The following PABPC4L variants were observed in gnomAD, a reference collection of about 807,000 sequenced individuals.
PABPC4L encodes the protein polyadenylate-binding protein 4-like.
For missense variants in PABPC4L, 452 were observed against 451.4 expected (o/e 1.00, Z -0.01); for synonymous variants, 169 against 164.1 (o/e 1.03, Z -0.23).
chr4:134,067,219 A>T, the PABPC4L span, among the ~76,000 whole-genome samples: 7 of 152,048 alleles, frequency 4.6e-5, no homozygotes, highest in Admixed American at 4.6e-4. Flanking sequence ...AACTGTAGTT[A>T]GTCTGTTCAG....
chr4:134,100,062 C>T, the PABPC4L span, among the ~76,000 whole-genome samples: 7 of 151,516 alleles, frequency 4.6e-5, no homozygotes, highest in Non-Finnish European at 7.4e-5. Flanking sequence ...ATGGAGATGC[C>T]GCATCAGCAG....
At chr4:133,966,103 A>G in the PABPC4L span, among the ~76,000 whole-genome samples, 1 of 152,120 alleles carries the variant, frequency 6.6e-6, no homozygotes, top group Non-Finnish European at 1.5e-5. Context: ...ATCTACAAGG[A>G]ACTCGAATCA....
chr4:134,177,580 T>C, the PABPC4L span, among the ~76,000 whole-genome samples: 1 of 152,118 alleles, frequency 6.6e-6, no homozygotes, highest in African/African-American at 2.4e-5. Flanking sequence ...TCACTACTGG[T>C]AACCAGGCAG....
At chr4:134,077,139 C>T in the PABPC4L span, among the ~76,000 whole-genome samples, 17 of 152,162 alleles carry the variant, frequency 1.1e-4, no homozygotes, top group East Asian at 5.8e-4. Context: ...TATATGTGCA[C>T]GCATTTGTCT....
chr4:134,107,997 A>G, the PABPC4L span, among the ~76,000 whole-genome samples: 1 of 151,594 alleles, frequency 6.6e-6, no homozygotes, highest in Non-Finnish European at 1.5e-5. Context: ...CTTAAGAGAC[A>G]AATTTAGATG....
the PABPC4L span, among the ~76,000 whole-genome samples, chr4:133,997,660 G>A: frequency 6.6e-5 from 10 of 152,122 alleles, no homozygotes; most frequent in Admixed American, 5.9e-4. Context: ...ACATTCACAG[G>A]AATTTGGAAG....
chr4:133,985,180 A>T, the PABPC4L span, among the ~76,000 whole-genome samples: 1 of 151,974 alleles, frequency 6.6e-6, no homozygotes, highest in South Asian at 2.1e-4. Context: ...TATGTCTGAG[A>T]TAAACCTGGA....
chr4:134,018,135 T>C, the PABPC4L span, among the ~76,000 whole-genome samples: 1 of 151,942 alleles, frequency 6.6e-6, no homozygotes, highest in Admixed American at 6.6e-5. Context: ...TGAAATTCCT[T>C]CTCCTGGCTC....
At chr4:133,994,516 C>T in the PABPC4L span, among the ~76,000 whole-genome samples, 1 of 152,050 alleles carries the variant, frequency 6.6e-6, no homozygotes, top group Non-Finnish European at 1.5e-5. Context: ...TGGCTGTGTG[C>T]ACTTCCCTCA....
At chr4:134,133,043 AT>A in the PABPC4L span, among the ~76,000 whole-genome samples, 1 of 139,256 alleles carries the variant, frequency 7.2e-6, no homozygotes, top group East Asian at 2.1e-4. Flanking sequence ...TATTTCATAC[AT>A]TATATATATT....
At chr4:134,076,706 T>C in the PABPC4L span, among the ~76,000 whole-genome samples, 2 of 152,122 alleles carry the variant, frequency 1.3e-5, no homozygotes, top group Non-Finnish European at 2.9e-5. Context: ...CCAAGATTTG[T>C]CAGGTAAGCA....
At chr4:134,084,070 A>G in the PABPC4L span, among the ~76,000 whole-genome samples, 12 of 151,994 alleles carry the variant, frequency 7.9e-5, no homozygotes, top group Admixed American at 7.2e-4. Flanking sequence ...TTTTTTTGAG[A>G]CAGGGTCTTG....
the PABPC4L span, among the ~76,000 whole-genome samples, chr4:134,115,967 T>C: frequency 1.3e-5 from 2 of 151,814 alleles, no homozygotes; most frequent in Non-Finnish European, 2.9e-5. Flanking sequence ...AAAAAGATAA[T>C]GTACTGACTG....
the PABPC4L span, among the ~76,000 whole-genome samples, chr4:134,068,012 T>G: frequency 6.6e-6 from 1 of 152,106 alleles, no homozygotes; most frequent in Non-Finnish European, 1.5e-5. Context: ...TGGGGCAGAG[T>G]GCTCTTTAGA....
chr4:134,014,369 G>C, the PABPC4L span, among the ~76,000 whole-genome samples: 38 of 152,234 alleles, frequency 2.5e-4, no homozygotes, highest in East Asian at 7.2e-3. Context: ...CACATCTCCA[G>C]CACACAAGAA....
At chr4:134,038,489 C>G in the PABPC4L span, among the ~76,000 whole-genome samples, 2 of 152,100 alleles carry the variant, frequency 1.3e-5, no homozygotes, top group Admixed American at 1.3e-4. Flanking sequence ...ATTATTGCCT[C>G]AATTTCAGAA....
At chr4:134,147,941 A>C in the PABPC4L span, among the ~76,000 whole-genome samples, 1 of 152,080 alleles carries the variant, frequency 6.6e-6, no homozygotes, top group Non-Finnish European at 1.5e-5. Context: ...CCCATTGAGA[A>C]ACTCTGGAAA....
chr4:134,124,328 T>C, the PABPC4L span, among the ~76,000 whole-genome samples: 5,868 of 152,082 alleles, frequency 0.039, 366 homozygotes, highest in African/African-American at 0.13. Context: ...TAATAACTAC[T>C]AAAACAACCT....
chr4:133,968,522 G>T, the PABPC4L span, among the ~76,000 whole-genome samples: 2 of 152,080 alleles, frequency 1.3e-5, no homozygotes, highest in Non-Finnish European at 2.9e-5. Flanking sequence ...CATCAATAGC[G>T]ACAGGATTGA....
Sources: allele counts gnomAD v4.1 joint callset (sites outside exome capture counted in the v4.1 genomes callset), GRCh38; gene constraint gnomAD v4.1.1; transcripts MANE v1.5; gene names NCBI Gene and HGNC (gene_info 2026-07-23, HGNC 2026-07-21).